The following FLG variants were observed in gnomAD, a reference collection of about 807,000 sequenced individuals.
The protein encoded by FLG is filaggrin.
In FLG, 6 loss-of-function variants were observed where a neutral mutation model predicts 3.8. The observed-to-expected ratio is 1.60, with a 90% confidence interval of 0.87 to 3.15. The LOEUF (loss-of-function observed/expected upper bound fraction) is 3.15, where lower values mean the gene tolerates loss of function less well. Ranked by LOEUF, FLG falls within the 30% of genes most tolerant of loss-of-function variation. The pLI, the probability that FLG is intolerant of heterozygous loss-of-function variation, is 0.00. For synonymous variants in FLG, 2,551 were observed against 1,931.6 expected (o/e 1.32, Z -8.41); for missense variants, 7,595 against 5,050.9 (o/e 1.50, Z -15.27).
Position 152,311,569 on chromosome 1 carries a change from C to G in FLG, c.3317G>C (p.Trp1106Ser). Residue 1106 changes from tryptophan to serine, a missense_variant, in exon 3 of 3, where the codon TGG becomes TCG. Coordinates refer to ENST00000368799, the MANE Select transcript of FLG (RefSeq NM_002016.2). ...TGAACGTCCAGACCTTCCCCCTGAC[C>G]AGTCACGTGCGGACTCTTGGTGGCT... ...QQSHQESARD[W>S]SGGRSGRSGS... The G allele has an allele frequency of 1.9e-6, 3 of 1,613,926 alleles. No homozygotes were observed. Among genetic ancestry groups the G allele is most frequent in the East Asian group, 2.2e-5 (1 of 44,816 alleles).
rs370219834 is a variant in FLG, at chr1:152,310,383, C to T, written c.4503G>A (p.Gln1501=). The change falls in exon 3 of 3, where the codon CAG becomes CAA. Residue 1501 remains glutamine, a synonymous_variant. Transcript: ENST00000368799. ...CTACTGATTGCTCGTGGTAGGATCCCTGCCTTCCTCCTCTGCTTGACCCCG... is the reference window on the plus strand; with the variant it reads ...CTACTGATTGCTCGTGGTAGGATCCTTGCCTTCCTCCTCTGCTTGACCCCG... ...GHPGSSRGGR[Q]GSYHEQSVDR... The T allele has an allele frequency of 1.9e-6, 3 of 1,613,780 alleles. No individual in the cohort carries two copies. In the South Asian group the frequency reaches 3.3e-5, roughly 18 times the overall value.
Position 152,313,573 on chromosome 1 carries a change from G to T in FLG, c.1313C>A (p.Ser438Ter). 6.2e-7 allele frequency: 1 copy of T among 1,613,992 alleles called. No individual in the cohort carries two copies. The part of the protein sequence containing the change: ...HSENSDTQSV[S>*]GHGKAGLRQQ... ...TCTCAGCCCAGCCTTTCCGTGGCCT[G>T]ACACTGATTGTGTGTCTGAGTTTTC... Residue 438 changes from serine (S) to a stop codon, truncating the protein, a stop_gained, in exon 3 of 3, where the codon TCA becomes TAA. Coordinates refer to ENST00000368799, the MANE Select transcript of FLG (RefSeq NM_002016.2). LOFTEE classifies it low-confidence loss of function (END_TRUNC).
chr1:152,308,500 G>A lies in FLG; in HGVS notation c.6386C>T (p.Ser2129Leu), dbSNP rs762020950. 6 of 1,613,690 alleles carry A rather than the reference G, an allele frequency of 3.7e-6. No homozygotes were observed. The East Asian group carries it at 8.9e-5, about 24-fold the overall frequency. The change falls in exon 3 of 3, where the codon TCA becomes TTA. Residue 2129 changes from serine to leucine, a missense_variant. Ser to Leu is a moderately radical substitution (Grantham distance 145). Coordinates refer to ENST00000368799, the MANE Select transcript of FLG (RefSeq NM_002016.2). ...GGTGTCCTGACCCTCTTGGGATGCT[G>A]AGTGCCTGGAGCTGTCTTGTGCCTG... is the stretch of plus-strand genomic sequence containing the variant. ...YDQAQDSSRH[S>L]ASQEGQDTIR...
chr1:152,318,215 A>C (rs192074848), intron 1 of FLG, among the ~76,000 whole-genome samples: 26 of 151,940 alleles, frequency 1.7e-4, no homozygotes, highest in African/African-American at 6.3e-4. Flanking sequence ...TTCTCTCTTA[A>C]AATGTTTACC....
At chr1:152,316,683 G>A (rs75481929) in intron 1 of FLG, among the ~76,000 whole-genome samples, 7,816 of 152,048 alleles carry the variant, frequency 0.051, 329 homozygotes, top group Non-Finnish European at 0.072. Flanking sequence ...TGAACTTATC[G>A]TTACTTGCAA....
In FLG at chr1:152,310,176, G is replaced by A; in HGVS notation, c.4710C>T (p.Ser1570=). 6.2e-7 allele frequency: 1 copy of A among 1,613,910 alleles called. No homozygotes were observed. The highest frequency in any genetic ancestry group is 8.5e-7 in the Non-Finnish European group (1 of 1,179,982). ...CCTGGCCCACCTGTGAGTGTCTAGA[G>A]CTGCCGGCCCGAGTGGAAGGTTCAT... ...RHHEPSTRAG[S]SRHSQVGQGE... Residue 1570 remains serine, a synonymous_variant, in exon 3 of 3, where the codon AGC becomes AGT. Coordinates refer to ENST00000368799, the MANE Select transcript of FLG (RefSeq NM_002016.2).
In FLG at chr1:152,314,703, C is replaced by A. The variant is rs1652712690; in HGVS notation, c.183G>T (p.Leu61Phe). 1.2e-6 allele frequency: 2 copies of A among 1,613,708 alleles called. No individual in the cohort carries two copies. Among genetic ancestry groups the A allele is most frequent in the East Asian group, 2.2e-5 (1 of 44,862 alleles). ...PDMVDVFMDH[L>F]DIDHNKKIDF... ...CAATTTTCTTGTTGTGGTCTATATC[C>A]AAGTGATCCATGAAGACATCAACCA... The change falls in exon 3 of 3, where the codon TTG (leucine) becomes TTT (phenylalanine). Residue 61 changes from leucine to phenylalanine, a missense_variant. By Grantham distance (22) the Leu-to-Phe change is conservative (BLOSUM62 0). Coordinates refer to ENST00000368799, the MANE Select transcript of FLG (RefSeq NM_002016.2).
At chr1:152,322,630 G>A (rs968568358) in intron 1 of FLG, among the ~76,000 whole-genome samples, 2 of 150,736 alleles carry the variant, frequency 1.3e-5, no homozygotes, top group Non-Finnish European at 3.0e-5. Context: ...AGGAAAGGAG[G>A]CTATTCATAA....
rs775474958 is a variant in FLG at position 152,304,502 on chromosome 1, A to G, written c.10384T>C (p.Ser3462Pro). The G allele has an allele frequency of 4.3e-6, 7 of 1,612,068 alleles. No individual in the cohort carries two copies. The highest frequency in any genetic ancestry group is 5.9e-6 in the Non-Finnish European group (7 of 1,179,516). ...TGGGATGTGGTGTGGCTGTGATGGGACCCTGAGTGTCCAGACCTATCTACC... is the reference window on the plus strand; with the variant it reads ...TGGGATGTGGTGTGGCTGTGATGGGGCCCTGAGTGTCCAGACCTATCTACC... ...QSVDRSGHSG[S>P]HHSHTTSQGR... is the part of the protein sequence containing the mutation. Residue 3462 changes from serine to proline, a missense_variant, in exon 3 of 3, where the codon TCC becomes CCC. Coordinates refer to ENST00000368799, the MANE Select transcript of FLG (RefSeq NM_002016.2).
At position 152,311,690 on chromosome 1, in the gene FLG, A is replaced by T. The variant is rs766561106; in HGVS notation, c.3196T>A (p.Ser1066Thr). Residue 1066 changes from serine to threonine, a missense_variant, in exon 3 of 3, where the codon TCC becomes ACC. Transcript: ENST00000368799. ...SAVRDSGHWG[S>T]SGSQASDSEG... ...CTATCACTGGCCTGACTACCACTGGACCCCCAGTGTCCACTGTCTCTGACT... is the reference window on the plus strand; with the variant it reads ...CTATCACTGGCCTGACTACCACTGGTCCCCCAGTGTCCACTGTCTCTGACT... 4.3e-6 allele frequency: 7 copies of T among 1,612,052 alleles called. No individual in the cohort carries two copies. Among genetic ancestry groups the T allele is most frequent in the Non-Finnish European group, 4.2e-6 (5 of 1,179,598 alleles).
Position 152,310,064 on chromosome 1 carries a change from C to G in FLG, c.4822G>C (p.Glu1608Gln). 6.2e-7 allele frequency: 1 copy of G among 1,614,048 alleles called. No individual in the cohort carries two copies. The highest frequency in any genetic ancestry group is 1.1e-5 in the South Asian group (1 of 91,072). ...RDSEGHSEDSERRSESASRNH... is the reference protein window; with the variant it reads ...RDSEGHSEDSQRRSESASRNH... Reference sequence around the variant, plus strand: ...CTGGAAGCCGACTCAGACCGCCTCTCAGAGTCTTCTGAGTGTCCCTCACTG... The same window carrying G: ...CTGGAAGCCGACTCAGACCGCCTCTGAGAGTCTTCTGAGTGTCCCTCACTG... Residue 1608 changes from glutamate (E) to glutamine (Q), a missense_variant, in exon 3 of 3, where the codon GAG becomes CAG. Transcript: ENST00000368799.
rs1570896028 is a variant in FLG at position 152,305,029 on chromosome 1, T to C, written c.9857A>G (p.Gln3286Arg). Residue 3286 changes from glutamine to arginine, a missense_variant, in exon 3 of 3, where the codon CAG (glutamine) becomes CGG (arginine). Coordinates refer to ENST00000368799, the MANE Select transcript of FLG (RefSeq NM_002016.2). ...TRHAETSSGGQAASSHEQARS... is the reference protein window; with the variant it reads ...TRHAETSSGGRAASSHEQARS... The stretch of plus-strand genomic sequence containing the variant: ...TGCCTGTTCATGGGATGATGCAGCC[T>C]GTCCACCAGAGGAAGTCTCTGCGTG... The C allele has an allele frequency of 6.2e-7, 1 of 1,614,008 alleles. No individual in the cohort carries two copies. The highest frequency in any genetic ancestry group is 8.5e-7 in the Non-Finnish European group (1 of 1,180,008).
intron 1 of FLG, among the ~76,000 whole-genome samples, chr1:152,319,357 A>G (rs937717585): frequency 2.7e-5 from 4 of 150,694 alleles, no homozygotes; most frequent in African/African-American, 9.7e-5. Flanking sequence ...GGTATCACAG[A>G]GCTATCAAGA....
rs771978807 is a variant in FLG, at chr1:152,313,639, C to A, written c.1247G>T (p.Gly416Val). The A allele has an allele frequency of 6.2e-7, 1 of 1,614,058 alleles. No homozygotes were observed. The highest frequency in any genetic ancestry group is 2.2e-5 in the East Asian group (1 of 44,864). The change falls in exon 3 of 3, where the codon GGG (glycine) becomes GTG (valine). Residue 416 changes from glycine to valine, a missense_variant. Transcript: ENST00000368799. ...SSAVSDRGHR[G>V]SSGSQASDSE... ...GTCACTGGCCTGACTACCGCTAGACCCCCGGTGTCCACGATCGCTGACTGC... is the reference window on the plus strand; with the variant it reads ...GTCACTGGCCTGACTACCGCTAGACACCCGGTGTCCACGATCGCTGACTGC...
chr1:152,310,670 C>T lies in FLG; in HGVS notation c.4216G>A (p.Asp1406Asn), dbSNP rs1331491166. 2 of 1,614,076 alleles carry T rather than the reference C, an allele frequency of 1.2e-6. No homozygotes were observed. The highest frequency in any genetic ancestry group is 3.3e-5 in the Admixed American group (2 of 60,018). ...CCGTGGGCTGACACTGACTGTGTGT[C>T]TGAGTCTTCTGAATGTCCCTCACTG... is the stretch of plus-strand genomic sequence containing the variant. ...TNSEGHSEDS[D>N]TQSVSAHGQA... is the part of the protein sequence containing the mutation. The change falls in exon 3 of 3, where the codon GAC becomes AAC. Residue 1406 changes from aspartate (D) to asparagine (N), a missense_variant. By Grantham distance (23) the Asp-to-Asn change is conservative. Coordinates refer to ENST00000368799, the MANE Select transcript of FLG (RefSeq NM_002016.2).
Position 152,313,792 on chromosome 1 carries a change from G to A in FLG, c.1094C>T (p.Ser365Phe). 6.2e-7 allele frequency: 1 copy of A among 1,614,168 alleles called. No homozygotes were observed. Among genetic ancestry groups the A allele is most frequent in the Non-Finnish European group, 8.5e-7 (1 of 1,180,016 alleles). ...ATGGGATGATGCAGTCTGTCCACGA[G>A]AGGAAGTCTCTGCGTGACGAGTGCC... ...QSGTRHAETSSRGQTASSHEQ... is the reference protein window; with the variant it reads ...QSGTRHAETSFRGQTASSHEQ... The change falls in exon 3 of 3, where the codon TCT (serine) becomes TTT (phenylalanine). Residue 365 changes from serine to phenylalanine, a missense_variant. Coordinates refer to ENST00000368799, the MANE Select transcript of FLG (RefSeq NM_002016.2).
rs1304569262 is a variant in FLG, at chr1:152,311,930, TG to T, written c.2955del (p.Arg986GlyfsTer136). 4 of 1,614,110 alleles carry T rather than the reference TG, an allele frequency of 2.5e-6. No individual in the cohort carries two copies. In the East Asian group the frequency reaches 8.9e-5, roughly 36 times the overall value. On this transcript the variant is annotated frameshift_variant, in exon 3 of 3. Transcript: ENST00000368799. LOFTEE classifies it low-confidence loss of function (END_TRUNC). ...QEQSRHGSRH[P>X]RSHHEDRAGH... ...CCGGCTCTGTCTTCGTGATGGGACCTGGGGTGTCTGGAGCCATGTCTTGACT... is the reference window on the plus strand; with the variant it reads ...CCGGCTCTGTCTTCGTGATGGGACCTGGGTGTCTGGAGCCATGTCTTGACT...
In FLG at chr1:152,312,405, G is replaced by T. The variant is rs764167935; in HGVS notation, c.2481C>A (p.Asp827Glu). The change falls in exon 3 of 3, where the codon GAC becomes GAA. Residue 827 changes from aspartate to glutamate, a missense_variant. Coordinates refer to ENST00000368799, the MANE Select transcript of FLG (RefSeq NM_002016.2). ...RQGSHHEQAR[D>E]NSRHSASQDG... ...CTTGGGATGCTGAGTGCCTGGAGTT[G>T]TCTCGTGCCTGCTCATGGTGGGATC... 4 of 1,613,302 alleles carry T rather than the reference G, an allele frequency of 2.5e-6. No homozygotes were observed. The highest frequency in any genetic ancestry group is 2.5e-6 in the Non-Finnish European group (3 of 1,179,856).
rs1197589844 is a variant in FLG, at chr1:152,315,515, CT to C, written c.-21-39del. 6.1e-6 allele frequency: 9 copies of C among 1,470,900 alleles called. No individual in the cohort carries two copies. The South Asian group carries it at 7.2e-5, about 12-fold the overall frequency. 91.1% of individuals were successfully genotyped at this position (1,470,900 alleles called of 1,614,324 possible). A position where few individuals can be genotyped will look rare whatever the true frequency, so the allele number is the denominator to read the frequency against. ...AATGAAAATGCACTTTTTTATACAT[CT>C]TTTTTTCTAGGTTATATTATTACAA... On this transcript the variant is annotated intron_variant, in intron 1 of 2. Coordinates refer to ENST00000368799, the MANE Select transcript of FLG (RefSeq NM_002016.2).
Sources: gnomAD v4.1 joint callset for allele counts (sites outside exome capture counted in the v4.1 genomes callset) on GRCh38, gnomAD v4.1.1 for gene constraint, MANE v1.5 for transcripts, NCBI Gene and HGNC (gene_info 2026-07-23, HGNC 2026-07-21) for gene names.